Variants in MIGA1 observed in about 807,000 individuals in gnomAD.
MIGA1 encodes family with sequence similarity 73, member A.
Under a neutral mutation model 82.0 loss-of-function variants are expected in MIGA1, and 58 were observed. The ratio of observed to expected loss-of-function variants is 0.71; its 90% CI spans 0.57 to 0.88. MIGA1 has a LOEUF of 0.88. MIGA1 is among the 40% of genes least tolerant of loss of function. The pLI is 0.00. For synonymous variants in MIGA1, 249 were observed against 253.6 expected, an observed-to-expected ratio of 0.98 and a Z score of 0.17; for missense variants, 751 against 749.1, an observed-to-expected ratio of 1.00 and a Z score of -0.03.
At chr1:77,861,050 G>T in intron 11 of MIGA1, 174 bp from the exon 12 acceptor site, 1 of 504,224 alleles carries the variant, frequency 2.0e-6, no homozygotes, top group Non-Finnish European at 3.5e-6. Flanking sequence ...CTTGGCTTCT[G>T]CAAAATGTTG....
intron 2 of MIGA1, among the ~76,000 whole-genome samples, chr1:77,785,329 A>G (rs1299318700): frequency 3.3e-5 from 5 of 152,146 alleles, no homozygotes; most frequent in African/African-American, 1.2e-4. Context: ...TTTGAAATCC[A>G]GCAGGGCAGT....
At position 77,805,461 on chromosome 1, in the gene MIGA1, CTTTTTTTT is replaced by C. The variant is rs11408292; in HGVS notation, c.511-1503_511-1496del. Reference sequence around the variant, plus strand: ...CAGCATAATGAAGAATATGCCTATTCTTTTTTTTTTTTTTTTTTGTCTTTTTGGCAGTG... The same window carrying C: ...CAGCATAATGAAGAATATGCCTATTCTTTTTTTTTTGTCTTTTTGGCAGTG... On this transcript the variant is annotated intron_variant, in intron 4 of 15. Transcript: ENST00000370791. Among the ~76,000 whole-genome samples, 97 of 110,410 alleles carry C rather than the reference CTTTTTTTT, an allele frequency of 8.8e-4. 2 individuals are homozygous for C. The highest frequency in any genetic ancestry group is 9.1e-4 in the Non-Finnish European group (52 of 56,844). 72.4% of individuals were successfully genotyped at this position (110,410 alleles called of 152,430 possible).
At chr1:77,851,255 C>A (rs909284358) in intron 8 of MIGA1, among the ~76,000 whole-genome samples, 5 of 152,134 alleles carry the variant, frequency 3.3e-5, no homozygotes, top group South Asian at 2.1e-4. Context: ...TTGGTGTAAA[C>A]AAATATAGTA....
intron 8 of MIGA1, chr1:77,847,973 C>A: frequency 8.2e-7 from 1 of 1,223,956 alleles, no homozygotes; most frequent in Non-Finnish European, 1.2e-6. Flanking sequence ...GAATCACCCC[C>A]AAGCACCACA....
At chr1:77,790,460 G>A (rs1682366254) in intron 2 of MIGA1, among the ~76,000 whole-genome samples, 1 of 152,056 alleles carries the variant, frequency 6.6e-6, no homozygotes, top group African/African-American at 2.4e-5. Context: ...TAGAGACGGG[G>A]TTTCACCATG....
rs570502337 is a variant in MIGA1, at chr1:77,857,178, A to G, written c.997-1760A>G. ...GGTTATTTGATTTCCATGTATTTGC[A>G]TGGTTTTGAAGGTCCTTTTTGGAGT... On this transcript the variant is annotated intron_variant, in intron 8 of 15. Transcript: ENST00000370791. Among the ~76,000 whole-genome samples the G allele has an allele frequency of 1.1e-3, 169 of 152,194 alleles. 5 individuals carry two copies. The South Asian group carries it at 0.029, about 26-fold the overall frequency.
At chr1:77,831,078 A>G (rs1301858501) in intron 7 of MIGA1, among the ~76,000 whole-genome samples, 1 of 152,102 alleles carries the variant, frequency 6.6e-6, no homozygotes, top group Non-Finnish European at 1.5e-5. Context: ...TTTCCTCTCC[A>G]CTTCCATTTC....
chr1:77,786,727 A>G (rs1259954905), intron 2 of MIGA1, among the ~76,000 whole-genome samples: 1 of 152,168 alleles, frequency 6.6e-6, no homozygotes, highest in Non-Finnish European at 1.5e-5. Context: ...TCACTTTATT[A>G]TTCATATCAC....
At chr1:77,781,975 A>G (rs1681938974) in intron 1 of MIGA1, among the ~76,000 whole-genome samples, 1 of 152,180 alleles carries the variant, frequency 6.6e-6, no homozygotes, top group Admixed American at 6.5e-5. Flanking sequence ...GGGCCTAAAA[A>G]AGTGTAGCAA....
At chr1:77,867,212 A>C (rs1291916188) in intron 14 of MIGA1, among the ~76,000 whole-genome samples, 2 of 152,184 alleles carry the variant, frequency 1.3e-5, no homozygotes, top group African/African-American at 4.8e-5. Flanking sequence ...GAGTGAGACT[A>C]CTGGGTTCAA....
At chr1:77,783,894 C>T (rs1318632001) in intron 2 of MIGA1, among the ~76,000 whole-genome samples, 1 of 152,186 alleles carries the variant, frequency 6.6e-6, no homozygotes, top group Non-Finnish European at 1.5e-5. Context: ...GACCAGGTAC[C>T]TCACAAGTAG....
intron 7 of MIGA1, among the ~76,000 whole-genome samples, chr1:77,820,466 A>G (rs1255213811): frequency 6.6e-6 from 1 of 152,184 alleles, no homozygotes; most frequent in South Asian, 2.1e-4. Context: ...CTGAAAAATT[A>G]ACATATAGAG....
At chr1:77,781,161 G>A (rs1370900665) in intron 1 of MIGA1, among the ~76,000 whole-genome samples, 1 of 151,836 alleles carries the variant, frequency 6.6e-6, no homozygotes, top group African/African-American at 2.4e-5. Flanking sequence ...CACCCACCTC[G>A]GCCTCCCAAA....
At chr1:77,815,087 G>A (rs773644266) in intron 6 of MIGA1, 21 bp from the exon 7 acceptor site, 58 of 1,462,868 alleles carry the variant, frequency 4.0e-5, no homozygotes, top group Non-Finnish European at 5.2e-5. Context: ...TTTGTTCTGT[G>A]TACTTTTTCT....
At chr1:77,859,722 A>G (rs1243142973) in intron 10 of MIGA1, 1 of 370,202 alleles carries the variant, frequency 2.7e-6, no homozygotes, top group Non-Finnish European at 4.8e-6. Flanking sequence ...CAATTATAAA[A>G]TTGATTTTCT....
At chr1:77,784,351 A>G (rs906824061) in intron 2 of MIGA1, among the ~76,000 whole-genome samples, 7 of 152,112 alleles carry the variant, frequency 4.6e-5, no homozygotes, top group African/African-American at 7.2e-5. Context: ...CAGCCTCTCA[A>G]GTAGCTGGGA....
intron 9 of MIGA1, 127 bp downstream of exon 9, chr1:77,859,183 C>T: frequency 1.0e-6 from 1 of 975,172 alleles, no homozygotes. Flanking sequence ...ATTATTTTTA[C>T]ATGTTCTGTC....
intron 1 of MIGA1, among the ~76,000 whole-genome samples, chr1:77,780,908 CTT>C (rs1351911649): frequency 1.1e-4 from 15 of 133,170 alleles, no homozygotes; most frequent in Admixed American, 1.5e-4. Flanking sequence ...TTTCTTTTTT[CTT>C]TTTTTTTTTT....
intron 2 of MIGA1, among the ~76,000 whole-genome samples, chr1:77,796,040 T>G (rs185155077): frequency 6.6e-6 from 1 of 152,258 alleles, no homozygotes; most frequent in East Asian, 1.9e-4. Context: ...CATAATATAT[T>G]TACTTATTAT....
Sources: gnomAD v4.1 joint callset for allele counts (sites outside exome capture counted in the v4.1 genomes callset) on GRCh38, gnomAD v4.1.1 for gene constraint, MANE v1.5 for transcripts, NCBI Gene and HGNC (gene_info 2026-07-23, HGNC 2026-07-21) for gene names.